The following LTBP1 variants were observed in gnomAD, a reference collection of about 807,000 sequenced individuals.
LTBP1 encodes latent-transforming growth factor beta-binding protein 1.
LTBP1 carries 129 observed loss-of-function variants against 207.6 expected under a neutral mutation model. The ratio of observed to expected loss-of-function variants is 0.62; its 90% CI spans 0.54 to 0.72. The LOEUF is 0.72. LTBP1 is among the 30% of genes least tolerant of loss of function. The pLI is 0.00. For missense variants in LTBP1, 2,281 were observed against 2,217.2 expected (o/e 1.03, Z -0.58); for synonymous variants, 963 against 833.7 (o/e 1.16, Z -2.67).
intron 7 of LTBP1, among the ~76,000 whole-genome samples, chr2:33,210,512 C>A (rs1476482551): frequency 1.3e-5 from 2 of 152,126 alleles, no homozygotes; most frequent in Non-Finnish European, 2.9e-5. Flanking sequence ...CTGTACTTAC[C>A]ATTGTTTCAA....
Position 33,246,479 on chromosome 2 carries a change from G to GCACACACA in LTBP1, c.1999+2704_1999+2711dup, listed in dbSNP as rs145652084. Among the ~76,000 whole-genome samples, 346 of 147,212 alleles carry GCACACACA rather than the reference G, an allele frequency of 2.4e-3. 5 individuals carry two copies. The highest frequency in any genetic ancestry group is 7.6e-3 in the African/African-American group (290 of 38,114). On this transcript the variant is annotated intron_variant, in intron 10 of 33. Coordinates refer to ENST00000404816, the MANE Select transcript of LTBP1 (RefSeq NM_206943.4). ...GACTGGAGATCACACACACGCACAC[G>GCACACACA]CACACACACACACACAGACACACAC...
intron 23 of LTBP1, among the ~76,000 whole-genome samples, chr2:33,310,607 A>G (rs1304250988): frequency 6.6e-6 from 1 of 152,182 alleles, no homozygotes; most frequent in East Asian, 1.9e-4. Flanking sequence ...ATTTGAACCC[A>G]GGGTCTTTTC....
Position 32,947,365 on chromosome 2 carries a change from C to A in LTBP1, c.41C>A (p.Ala14Glu), listed in dbSNP as rs1050327734. The stretch of plus-strand genomic sequence containing the variant: ...CTCAGGTGGGGGCTCCTGCTCTGGG[C>A]AGGGCTCCTCGCGTCCTCGGCGCAC... ...AWLRWGLLLWAGLLASSAHGR... is the reference protein window; with the variant it reads ...AWLRWGLLLWEGLLASSAHGR... Residue 14 changes from alanine to glutamate, a missense_variant, in exon 1 of 34, where the codon GCA (alanine) becomes GAA (glutamate). By Grantham distance (107) the Ala-to-Glu change is moderately radical. Transcript: ENST00000404816. 7.4e-7 allele frequency: 1 copy of A among 1,346,112 alleles called. No individual in the cohort carries two copies. Among genetic ancestry groups the A allele is most frequent in the African/African-American group, 1.5e-5 (1 of 65,544 alleles). The allele number at this position is 1,346,112 out of a possible 1,614,324, so 83.4% of individuals were successfully genotyped here.
chr2:33,084,283 C>T (rs2078620751), intron 3 of LTBP1, among the ~76,000 whole-genome samples: 2 of 152,066 alleles, frequency 1.3e-5, no homozygotes, highest in African/African-American at 4.8e-5. Context: ...TCAGCTGAGT[C>T]TGATTACCTA....
intron 2 of LTBP1, among the ~76,000 whole-genome samples, chr2:33,015,317 A>G (rs1298882270): frequency 6.6e-6 from 1 of 152,240 alleles, no homozygotes; most frequent in African/African-American, 2.4e-5. Flanking sequence ...GATTGAATAA[A>G]TCGCAAATCA....
intron 24 of LTBP1, 60 bp downstream of exon 24, chr2:33,315,329 C>T: frequency 6.3e-7 from 1 of 1,596,610 alleles, no homozygotes; most frequent in Non-Finnish European, 8.5e-7. Flanking sequence ...AGATTGCTTT[C>T]ACTTATACAA....
At chr2:33,242,572 A>G (rs1022774922) in intron 9 of LTBP1, among the ~76,000 whole-genome samples, 1 of 148,474 alleles carries the variant, frequency 6.7e-6, no homozygotes, top group Non-Finnish European at 1.5e-5. Flanking sequence ...ACCAGCTGTG[A>G]TTTTTTTTTC....
chr2:33,335,823 A>AAC (rs1434559699), intron 24 of LTBP1, among the ~76,000 whole-genome samples: 3 of 152,266 alleles, frequency 2.0e-5, no homozygotes, highest in Admixed American at 2.0e-4. Context: ...TTTCCATTGT[A>AAC]AGCCCCTTTT....
At chr2:33,233,633 A>C (rs1182476928) in intron 9 of LTBP1, among the ~76,000 whole-genome samples, 1 of 152,014 alleles carries the variant, frequency 6.6e-6, no homozygotes, top group Admixed American at 6.6e-5. Context: ...CTGTCTAGCA[A>C]TTTTATGGAA....
intron 2 of LTBP1, among the ~76,000 whole-genome samples, chr2:32,981,162 T>C (rs1050230649): frequency 6.6e-6 from 1 of 152,218 alleles, no homozygotes; most frequent in Non-Finnish European, 1.5e-5. Flanking sequence ...TTGAGTAAAC[T>C]TTCTACCCCA....
chr2:33,080,853 T>C (rs2078352472), intron 3 of LTBP1, among the ~76,000 whole-genome samples: 1 of 152,230 alleles, frequency 6.6e-6, no homozygotes, highest in African/African-American at 2.4e-5. Flanking sequence ...CACACATATA[T>C]GCATATATGG....
chr2:33,063,329 C>T (rs1344941744), intron 3 of LTBP1, among the ~76,000 whole-genome samples: 2 of 152,070 alleles, frequency 1.3e-5, no homozygotes, highest in Non-Finnish European at 2.9e-5. Flanking sequence ...CTTTCACACT[C>T]ATTGTCTCAG....
At chr2:33,290,559 G>T (rs557367819) in intron 19 of LTBP1, among the ~76,000 whole-genome samples, 31 of 152,288 alleles carry the variant, frequency 2.0e-4, no homozygotes, top group African/African-American at 7.0e-4. Context: ...GATTAGAGAA[G>T]CCAAGTCTTA....
chr2:33,252,541 G>A, intron 10 of LTBP1, 136 bp from the exon 11 acceptor site: 1 of 781,266 alleles, frequency 1.3e-6, no homozygotes, highest in Non-Finnish European at 1.9e-6. Context: ...CAAGAAAGGT[G>A]ATGCTCTAAA....
intron 23 of LTBP1, among the ~76,000 whole-genome samples, chr2:33,311,536 A>G (rs78184027): frequency 4.8e-5 from 1 of 20,972 alleles, no homozygotes; most frequent in Non-Finnish European, 8.8e-5. Flanking sequence ...CAAGAGATGG[A>G]AAAAAAAAAA....
At chr2:33,363,716 G>A (rs1476271395) in intron 29 of LTBP1, among the ~76,000 whole-genome samples, 198 bp downstream of exon 29, 1 of 152,148 alleles carries the variant, frequency 6.6e-6, no homozygotes, top group Non-Finnish European at 1.5e-5. Context: ...CTGTTTGAAT[G>A]TATTTCAAAC....
chr2:33,262,882 A>G, intron 14 of LTBP1, 61 bp downstream of exon 14: 1 of 1,252,810 alleles, frequency 8.0e-7, no homozygotes, highest in Non-Finnish European at 1.1e-6. Flanking sequence ...TAAGACGGGA[A>G]ATTTTTGTCT....
At chr2:33,142,695 A>G (rs2082732359) in intron 5 of LTBP1, among the ~76,000 whole-genome samples, 1 of 152,116 alleles carries the variant, frequency 6.6e-6, no homozygotes, top group Admixed American at 6.5e-5. Context: ...TGTAGCCAGG[A>G]CAGTTTTTTA....
In LTBP1 at chr2:33,328,135, C is replaced by CAATAAATA. The variant is rs535099037; in HGVS notation, c.3730+12893_3730+12900dup. Among the ~76,000 whole-genome samples the CAATAAATA allele has an allele frequency of 4.7e-3, 637 of 134,202 alleles. 5 individuals are homozygous for CAATAAATA. Among genetic ancestry groups the CAATAAATA allele is most frequent in the African/African-American group, 8.0e-3 (269 of 33,474 alleles). 88.0% of individuals were successfully genotyped at this position (134,202 alleles called of 152,430 possible). On this transcript the variant is annotated intron_variant, in intron 24 of 33. Transcript: ENST00000404816. ...GGACAACAAGAGTGAGACTCTGTCT[C>CAATAAATA]AATAAATAAATAAATAAATAAATAA...
Sources: gnomAD v4.1 joint callset for allele counts (sites outside exome capture counted in the v4.1 genomes callset) on GRCh38, gnomAD v4.1.1 for gene constraint, MANE v1.5 for transcripts, NCBI Gene and HGNC (gene_info 2026-07-23, HGNC 2026-07-21) for gene names.